Variants in ARIH1 observed in about 807,000 individuals in gnomAD.
The protein encoded by ARIH1 is E3 ubiquitin-protein ligase ARIH1.
Under a neutral mutation model 85.0 loss-of-function variants are expected in ARIH1, and 8 were observed. That is an observed-to-expected ratio of 0.09 (90% CI 0.06 to 0.17). The LOEUF is 0.17. Ranked by LOEUF, ARIH1 falls within the 10% of genes least tolerant of loss-of-function variation. The probability of loss-of-function intolerance (pLI) is 1.00; values close to 1 mark genes in which losing one functional copy is unlikely to be tolerated. For missense variants in ARIH1, 311 were observed against 718.1 expected (o/e 0.43, Z 6.48); for synonymous variants, 238 against 253.6 (o/e 0.94, Z 0.59).
intron 1 of ARIH1, among the ~76,000 whole-genome samples, chr15:72,483,283 G>T (rs2063823790): frequency 1.3e-5 from 2 of 152,200 alleles, no homozygotes. Flanking sequence ...TCCTTGCCAT[G>T]TGGGCCTCTC....
At chr15:72,571,221 G>C (rs1197554186) in intron 10 of ARIH1, among the ~76,000 whole-genome samples, 2 of 151,472 alleles carry the variant, frequency 1.3e-5, no homozygotes, top group African/African-American at 4.9e-5. Context: ...TCCACTGGGT[G>C]ACAGGCAAAA....
At chr15:72,583,072 G>A in intron 13 of ARIH1, 136 bp from the exon 14 acceptor site, 2 of 614,132 alleles carry the variant, frequency 3.3e-6, no homozygotes, top group Non-Finnish European at 5.7e-6. Flanking sequence ...CTGAACATGT[G>A]CCTATTAAAA....
In ARIH1 at chr15:72,591,830, T is replaced by A. The variant is rs1278182487; in HGVS notation, c.*8538T>A. The A allele has an allele frequency of 6.6e-6, 1 of 152,268 alleles. No individual in the cohort carries two copies. The highest frequency in any genetic ancestry group is 1.5e-5 in the Non-Finnish European group (1 of 68,046). 9.4% of individuals were successfully genotyped at this position (152,268 alleles called of 1,614,324 possible). ...ATGAACAAAGATGTTTGCTTGTTAA[T>A]AAATTCCTACCACATACCCAGACTT... On this transcript the variant is annotated 3_prime_UTR_variant, in exon 14 of 14. Transcript: ENST00000379887.
rs571537356 is a variant in ARIH1, at chr15:72,589,329, C to T, written c.*6037C>T. On this transcript the variant is annotated 3_prime_UTR_variant, in exon 14 of 14. Transcript: ENST00000379887. ...TAGGAATATTGTGAGGATCAAAGAA[C>T]ATGTGAAAACAAAACCTAGTTACAA... 1.3e-5 allele frequency: 2 copies of T among 152,266 alleles called. No homozygotes were observed. The highest frequency in any genetic ancestry group is 4.8e-5 in the African/African-American group (2 of 41,552). The allele number at this position is 152,266 out of a possible 1,614,324, so 9.4% of individuals were successfully genotyped here. A position where few individuals can be genotyped will look rare whatever the true frequency, so the allele number is the denominator to read the frequency against.
intron 10 of ARIH1, among the ~76,000 whole-genome samples, chr15:72,571,258 T>C (rs1030014067): frequency 2.0e-5 from 3 of 152,090 alleles, no homozygotes; most frequent in Non-Finnish European, 2.9e-5. Context: ...TCTGTAGTTA[T>C]GTGACCTTAA....
chr15:72,507,467 G>T (rs1402257003), intron 1 of ARIH1, among the ~76,000 whole-genome samples: 1 of 152,072 alleles, frequency 6.6e-6, no homozygotes, highest in African/African-American at 2.4e-5. Flanking sequence ...ATGCCCAGGT[G>T]TCCCCCTCAG....
At chr15:72,510,754 A>C in intron 1 of ARIH1, among the ~76,000 whole-genome samples, 1 of 148,838 alleles carries the variant, frequency 6.7e-6, no homozygotes, top group African/African-American at 2.5e-5. Context: ...AAAAAAAAAA[A>C]AAAAAAAAAA....
chr15:72,581,669 A>G (rs1380091161), intron 12 of ARIH1: 3 of 162,962 alleles, frequency 1.8e-5, no homozygotes, highest in Non-Finnish European at 4.1e-5. Flanking sequence ...GGATGATACA[A>G]TTTGAATCTT....
At chr15:72,505,118 A>G (rs1370586686) in intron 1 of ARIH1, among the ~76,000 whole-genome samples, 2 of 152,212 alleles carry the variant, frequency 1.3e-5, no homozygotes, top group African/African-American at 4.8e-5. Flanking sequence ...TAACATGCAT[A>G]CAGATCACCT....
intron 1 of ARIH1, among the ~76,000 whole-genome samples, chr15:72,517,125 T>C (rs1394574153): frequency 2.0e-5 from 3 of 152,234 alleles, no homozygotes; most frequent in Non-Finnish European, 4.4e-5. Flanking sequence ...TGGTAACTTT[T>C]CTTTCTTGAA....
At chr15:72,493,760 CA>C (rs1343962781) in intron 1 of ARIH1, among the ~76,000 whole-genome samples, 1 of 152,034 alleles carries the variant, frequency 6.6e-6, no homozygotes, top group Non-Finnish European at 1.5e-5. Flanking sequence ...ATGTACAAAA[CA>C]AAATATAGAA....
chr15:72,476,697 G>A (rs1228520673), intron 1 of ARIH1, among the ~76,000 whole-genome samples: 1 of 152,050 alleles, frequency 6.6e-6, no homozygotes, highest in African/African-American at 2.4e-5. Flanking sequence ...ATCTGATTAG[G>A]TAAGAAAAAA....
rs182957901 is a variant in ARIH1, at chr15:72,527,019, C to G, written c.443+8885C>G. ...CAGCAACAACTGTTATCTGTCAAGTCTTCCATCTGGGTTTTGATACTATCA... is the reference window on the plus strand; with the variant it reads ...CAGCAACAACTGTTATCTGTCAAGTGTTCCATCTGGGTTTTGATACTATCA... On this transcript the variant is annotated intron_variant, in intron 2 of 13. Coordinates refer to ENST00000379887, the MANE Select transcript of ARIH1 (RefSeq NM_005744.5). Among the ~76,000 whole-genome samples, 7 of 152,280 alleles carry G rather than the reference C, an allele frequency of 4.6e-5. No homozygotes were observed. In the East Asian group the frequency reaches 5.8e-4, roughly 13 times the overall value.
At chr15:72,487,602 T>C (rs2063842605) in intron 1 of ARIH1, among the ~76,000 whole-genome samples, 1 of 152,206 alleles carries the variant, frequency 6.6e-6, no homozygotes. Flanking sequence ...GAACCATTCT[T>C]GGGATTTGAG....
Position 72,598,637 on chromosome 15 carries a change from C to T in ARIH1, c.*15345C>T, listed in dbSNP as rs1438621130. On this transcript the variant is annotated 3_prime_UTR_variant, in exon 14 of 14. Transcript: ENST00000379887. ...ACTGAGTCAGGAGATTTGCTTGAAC[C>T]TGGGAGGCGGAGGTTGCAGTGAGCC... The T allele has an allele frequency of 6.6e-6, 1 of 150,582 alleles. No homozygotes were observed. Among genetic ancestry groups the T allele is most frequent in the African/African-American group, 2.4e-5 (1 of 41,034 alleles). The allele number at this position is 150,582 out of a possible 1,614,324, so 9.3% of individuals were successfully genotyped here.
chr15:72,555,483 C>A, intron 4 of ARIH1, 120 bp downstream of exon 4: 2 of 713,568 alleles, frequency 2.8e-6, no homozygotes, highest in Non-Finnish European at 4.6e-6. Flanking sequence ...TAGATTCAAA[C>A]AACTAAAGAT....
At chr15:72,515,124 T>A (rs2063969252) in intron 1 of ARIH1, among the ~76,000 whole-genome samples, 1 of 152,114 alleles carries the variant, frequency 6.6e-6, no homozygotes, top group South Asian at 2.1e-4. Flanking sequence ...TCACCTGAGG[T>A]CGGGAGTTCG....
At chr15:72,507,096 C>T (rs2063929543) in intron 1 of ARIH1, among the ~76,000 whole-genome samples, 1 of 152,120 alleles carries the variant, frequency 6.6e-6, no homozygotes, top group African/African-American at 2.4e-5. Context: ...GATCTCAGCT[C>T]ACCGCAACCT....
chr15:72,542,257 G>A (rs962380145), intron 2 of ARIH1, among the ~76,000 whole-genome samples: 2 of 152,134 alleles, frequency 1.3e-5, no homozygotes, highest in African/African-American at 4.8e-5. Context: ...GGAGTAGCAC[G>A]ATAAATGTGC....
Sources: allele counts gnomAD v4.1 joint callset (sites outside exome capture counted in the v4.1 genomes callset), GRCh38; gene constraint gnomAD v4.1.1; transcripts MANE v1.5; gene names NCBI Gene and HGNC (gene_info 2026-07-23, HGNC 2026-07-21).